SPIDR: variants seen among roughly 807,000 people sequenced by gnomAD.
The protein encoded by SPIDR is scaffold protein involved in DNA repair.
A neutral mutation model predicts 104.6 loss-of-function variants in SPIDR; 93 were observed. That is an observed-to-expected ratio of 0.89 (90% CI 0.75 to 1.06). The LOEUF (loss-of-function observed/expected upper bound fraction) is 1.06. SPIDR is among the 50% of genes least tolerant of loss of function. The probability of loss-of-function intolerance (pLI) is 0.00; values close to 1 mark genes in which losing one functional copy is unlikely to be tolerated. For missense variants in SPIDR, 1,154 were observed against 1,111.2 expected (o/e 1.04, Z -0.55); for synonymous variants, 431 against 416.9 (o/e 1.03, Z -0.41).
At chr8:47,734,276 C>T (rs995823348) in intron 19 of SPIDR, among the ~76,000 whole-genome samples, 3 of 152,122 alleles carry the variant, frequency 2.0e-5, no homozygotes, top group Non-Finnish European at 4.4e-5. Context: ...CCTGACCAGG[C>T]GTGGAACATC....
intron 5 of SPIDR, among the ~76,000 whole-genome samples, chr8:47,370,439 ATTTTTTTTT>A (rs34220804): frequency 3.0e-5 from 3 of 99,076 alleles, no homozygotes; most frequent in African/African-American, 4.3e-5. Context: ...AGAGGTCAAG[ATTTTTTTTT>A]TTTTTTTTTT....
At chr8:47,430,495 C>T (rs191044076) in intron 7 of SPIDR, among the ~76,000 whole-genome samples, 6 of 111,552 alleles carry the variant, frequency 5.4e-5, no homozygotes, top group East Asian at 3.4e-4. Flanking sequence ...ACAGTGGGGA[C>T]GCGCTGGACT....
At chr8:47,614,971 T>C (rs1414146948) in intron 10 of SPIDR, among the ~76,000 whole-genome samples, 2 of 152,224 alleles carry the variant, frequency 1.3e-5, no homozygotes, top group African/African-American at 4.8e-5. Context: ...ATTGTAGATA[T>C]AAGACCCCTA....
chr8:47,684,705 G>T (rs2077524191), intron 11 of SPIDR, among the ~76,000 whole-genome samples: 1 of 152,172 alleles, frequency 6.6e-6, no homozygotes, highest in Non-Finnish European at 1.5e-5. Context: ...ACTGACCCAA[G>T]ACTTTGTTGT....
chr8:47,444,575 C>T (rs1221658509), intron 8 of SPIDR, among the ~76,000 whole-genome samples: 1 of 152,182 alleles, frequency 6.6e-6, no homozygotes, highest in Non-Finnish European at 1.5e-5. Context: ...TAAACATCCT[C>T]TTATTTAGAA....
intron 10 of SPIDR, among the ~76,000 whole-genome samples, chr8:47,647,616 A>AAGAGAGAGAGAGAGAGAGAGAGAG (rs369414271): frequency 1.0e-3 from 63 of 60,438 alleles, no homozygotes; most frequent in Non-Finnish European, 1.4e-3. Flanking sequence ...TCCATCTCGA[A>AAGAGAGAGAGAGAGAGAGAGAGAG]AGAGAGAGAG....
chr8:47,462,166 G>A (rs2074049285), intron 8 of SPIDR, among the ~76,000 whole-genome samples: 2 of 152,242 alleles, frequency 1.3e-5, no homozygotes, highest in Middle Eastern at 3.4e-3. Context: ...GAGCCAAGCT[G>A]TAGTGATTAT....
chr8:47,549,139 A>G (rs529416324), intron 8 of SPIDR, among the ~76,000 whole-genome samples: 35 of 152,316 alleles, frequency 2.3e-4, no homozygotes, highest in Admixed American at 9.2e-4. Context: ...CATGGTGTAT[A>G]TGTGCCAATT....
chr8:47,531,440 A>G (rs541830083), intron 8 of SPIDR, among the ~76,000 whole-genome samples: 4 of 152,200 alleles, frequency 2.6e-5, no homozygotes, highest in African/African-American at 9.6e-5. Context: ...TTTTAGAAAT[A>G]TATCCATGGT....
At chr8:47,282,501 A>G (rs2037987467) in intron 2 of SPIDR, among the ~76,000 whole-genome samples, 1 of 152,230 alleles carries the variant, frequency 6.6e-6, no homozygotes. Flanking sequence ...CTTAAACTTC[A>G]TGAACCAACC....
intron 6 of SPIDR, among the ~76,000 whole-genome samples, chr8:47,402,586 T>C (rs782186528): frequency 2.0e-5 from 3 of 152,098 alleles, no homozygotes; most frequent in Non-Finnish European, 4.4e-5. Flanking sequence ...TCTACGCAAA[T>C]AAACTAGAAA....
At chr8:47,406,087 T>G (rs1201031224) in intron 6 of SPIDR, among the ~76,000 whole-genome samples, 5 of 152,148 alleles carry the variant, frequency 3.3e-5, no homozygotes, top group African/African-American at 7.2e-5. Context: ...AGAGTTCATT[T>G]TGCCTTTTTT....
chr8:47,479,032 A>C lies in SPIDR; in HGVS notation c.1097+38490A>C, dbSNP rs2076585209. On this transcript the variant is annotated intron_variant, in intron 8 of 19. Coordinates refer to ENST00000297423, the MANE Select transcript of SPIDR (RefSeq NM_001080394.4). Reference sequence around the variant, plus strand: ...TAGGAAGGTATTCATCTCATCCAAAAGTGATATAAAATCAGTGAAAAAAAA... The same window carrying C: ...TAGGAAGGTATTCATCTCATCCAAACGTGATATAAAATCAGTGAAAAAAAA... 2.6e-5 allele frequency among the ~76,000 whole-genome samples: 4 copies of C among 152,116 alleles called. No individual in the cohort carries two copies. In the South Asian group the frequency reaches 8.3e-4, roughly 32 times the overall value.
intron 10 of SPIDR, among the ~76,000 whole-genome samples, chr8:47,622,769 C>A (rs1218379611): frequency 2.0e-5 from 3 of 152,128 alleles, no homozygotes; most frequent in African/African-American, 7.2e-5. Context: ...AGGTCAACTC[C>A]CTAAATTTTC....
intron 5 of SPIDR, among the ~76,000 whole-genome samples, chr8:47,355,837 A>G (rs1554625492): frequency 6.6e-6 from 1 of 152,196 alleles, no homozygotes; most frequent in African/African-American, 2.4e-5. Flanking sequence ...ATTTCTCAGA[A>G]AACCTTTTCC....
chr8:47,521,462 A>T (rs1587075137), intron 8 of SPIDR, among the ~76,000 whole-genome samples: 1 of 145,552 alleles, frequency 6.9e-6, no homozygotes. Flanking sequence ...TTTGAGACCG[A>T]GTCTCACTCT....
intron 8 of SPIDR, among the ~76,000 whole-genome samples, chr8:47,497,335 T>C (rs1306335648): frequency 1.3e-5 from 2 of 152,200 alleles, no homozygotes; most frequent in Non-Finnish European, 2.9e-5. Flanking sequence ...AATACAGTCA[T>C]TCACAAATAT....
chr8:47,732,512 T>C, intron 19 of SPIDR: 1 of 340,648 alleles, frequency 2.9e-6, no homozygotes, highest in Non-Finnish European at 5.4e-6. Flanking sequence ...CAGTGGACTG[T>C]GGGGTAAGTT....
chr8:47,661,620 A>G (rs2074118362), intron 10 of SPIDR, among the ~76,000 whole-genome samples: 1 of 152,202 alleles, frequency 6.6e-6, no homozygotes. Context: ...AGAGCTTACT[A>G]AGGATCGTGC....
Sources: gnomAD v4.1 joint callset for allele counts (sites outside exome capture counted in the v4.1 genomes callset) on GRCh38, gnomAD v4.1.1 for gene constraint, MANE v1.5 for transcripts, NCBI Gene and HGNC (gene_info 2026-07-23, HGNC 2026-07-21) for gene names.